TMEM17: variants seen among roughly 807,000 people sequenced by gnomAD.
TMEM17 encodes the protein transmembrane protein 17.
In TMEM17, 15 loss-of-function variants were observed where a neutral mutation model predicts 19.1. That is an observed-to-expected ratio of 0.78 (90% CI 0.52 to 1.21). The LOEUF (loss-of-function observed/expected upper bound fraction) is 1.21, where lower values mean the gene tolerates loss of function less well. Ranked by LOEUF, TMEM17 falls within the 50% of genes most tolerant of loss-of-function variation. The pLI is 0.00. For missense variants in TMEM17, 245 were observed against 242.3 expected, an observed-to-expected ratio of 1.01 and a Z score of -0.07; for synonymous variants, 103 against 86.9, an observed-to-expected ratio of 1.19 and a Z score of -1.03.
the TMEM17 span, among the ~76,000 whole-genome samples, chr2:62,490,621 A>G: frequency 2.0e-5 from 3 of 152,316 alleles, no homozygotes; most frequent in African/African-American, 7.2e-5. Flanking sequence ...CATATTTCGA[A>G]GCTTAAAATT....
chr2:62,484,239 A>G, the TMEM17 span, among the ~76,000 whole-genome samples: 373 of 152,326 alleles, frequency 2.4e-3, 1 homozygote, highest in Non-Finnish European at 2.1e-3. Context: ...GTGGGAACCT[A>G]TATCTGCGCT....
the TMEM17 span, among the ~76,000 whole-genome samples, chr2:62,480,334 T>C: frequency 6.6e-6 from 1 of 152,194 alleles, no homozygotes; most frequent in Non-Finnish European, 1.5e-5. Flanking sequence ...CCATTGTGAA[T>C]AGTTTGGAAA....
At chr2:62,464,273 G>C in the TMEM17 span, among the ~76,000 whole-genome samples, 25 of 152,236 alleles carry the variant, frequency 1.6e-4, no homozygotes, top group Admixed American at 1.4e-3. Flanking sequence ...ACTGTAACAC[G>C]CCCTGTGGGG....
At chr2:62,464,814 A>G in the TMEM17 span, among the ~76,000 whole-genome samples, 2,866 of 152,054 alleles carry the variant, frequency 0.019, 90 homozygotes, top group African/African-American at 0.063. Flanking sequence ...AATCATAGGG[A>G]GTTGAAGCTA....
In TMEM17 at chr2:62,501,319, T is replaced by G; in HGVS notation, c.487A>C (p.Arg163=). 1 of 1,614,190 alleles carries G rather than the reference T, an allele frequency of 6.2e-7. No homozygotes were observed. The highest frequency in any genetic ancestry group is 2.2e-5 in the East Asian group (1 of 44,884). The change falls in exon 4 of 4, where the codon AGG becomes CGG. Residue 163 remains arginine (R), a synonymous_variant. Transcript: ENST00000335390. ...FQVVAAFLTL[R]KMVNQLAVRF... is the part of the protein sequence containing the mutation. ...ACTGCCAACTGATTAACCATTTTCCTTAAGGTAAGAAATGCTGCAACAACT... is the reference window on the plus strand; with the variant it reads ...ACTGCCAACTGATTAACCATTTTCCGTAAGGTAAGAAATGCTGCAACAACT...
chr2:62,506,193 C>A lies in TMEM17; in HGVS notation c.-64G>T. ...CTAGTCTGCGGGCGCTCCGAGGCTCCGTGGTTCCCACGGCAACCGGGCGGC... is the reference window on the plus strand; with the variant it reads ...CTAGTCTGCGGGCGCTCCGAGGCTCAGTGGTTCCCACGGCAACCGGGCGGC... On this transcript the variant is annotated 5_prime_UTR_variant, in exon 1 of 4. Transcript: ENST00000335390. 1 of 1,447,002 alleles carries A rather than the reference C, an allele frequency of 6.9e-7. No individual in the cohort carries two copies. The highest frequency in any genetic ancestry group is 9.2e-7 in the Non-Finnish European group (1 of 1,084,050). The allele number at this position is 1,447,002 out of a possible 1,614,324, so 89.6% of individuals were successfully genotyped here.
the TMEM17 span, among the ~76,000 whole-genome samples, chr2:62,479,742 C>T: frequency 6.6e-6 from 1 of 151,884 alleles, no homozygotes; most frequent in Non-Finnish European, 1.5e-5. Context: ...AAATAATTAG[C>T]CATGTGTGGT....
the TMEM17 span, among the ~76,000 whole-genome samples, chr2:62,481,462 T>C: frequency 6.6e-6 from 1 of 152,168 alleles, no homozygotes; most frequent in African/African-American, 2.4e-5. Context: ...GGACTTCCAG[T>C]ACTATGTTGA....
At chr2:62,472,336 T>G in the TMEM17 span, among the ~76,000 whole-genome samples, 2 of 152,206 alleles carry the variant, frequency 1.3e-5, no homozygotes, top group African/African-American at 2.4e-5. Context: ...GGGCTTTCCC[T>G]GCAGCCTGGA....
chr2:62,488,190 C>T, the TMEM17 span, among the ~76,000 whole-genome samples: 3 of 152,232 alleles, frequency 2.0e-5, no homozygotes, highest in Admixed American at 6.5e-5. Flanking sequence ...CTTTGGAATT[C>T]GTCTCGAGCT....
the TMEM17 span, among the ~76,000 whole-genome samples, chr2:62,458,749 G>A: frequency 4.6e-5 from 7 of 152,212 alleles, no homozygotes; most frequent in African/African-American, 7.2e-5. Flanking sequence ...CAGCGTGCCC[G>A]TGTCTGTAGC....
chr2:62,478,122 G>A, the TMEM17 span, among the ~76,000 whole-genome samples: 199 of 152,302 alleles, frequency 1.3e-3, 2 homozygotes, highest in Admixed American at 0.012. Context: ...TGACTCTAGT[G>A]GTAGCATTTC....
At chr2:62,497,299 T>C (rs922215318), downstream of TMEM17, among the ~76,000 whole-genome samples, 2 of 152,234 alleles carry the variant, frequency 1.3e-5, no homozygotes, top group African/African-American at 4.8e-5. Context: ...CTGATTGTGA[T>C]ACTCCACTGT....
At chr2:62,481,739 G>C in the TMEM17 span, among the ~76,000 whole-genome samples, 1 of 151,290 alleles carries the variant, frequency 6.6e-6, no homozygotes, top group Admixed American at 6.6e-5. Flanking sequence ...GTGTGTGTAA[G>C]GGGGGAGCAT....
At chr2:62,492,597 A>G in the TMEM17 span, among the ~76,000 whole-genome samples, 1 of 152,266 alleles carries the variant, frequency 6.6e-6, no homozygotes, top group East Asian at 1.9e-4. Flanking sequence ...TATTAAGAAC[A>G]GGAGGCAGGA....
chr2:62,466,099 C>G, the TMEM17 span, among the ~76,000 whole-genome samples: 1 of 152,104 alleles, frequency 6.6e-6, no homozygotes, highest in African/African-American at 2.4e-5. Context: ...TGCAGAGCTC[C>G]CTTGTCATTG....
chr2:62,469,343 G>A, the TMEM17 span, among the ~76,000 whole-genome samples: 1 of 152,194 alleles, frequency 6.6e-6, no homozygotes, highest in South Asian at 2.1e-4. Flanking sequence ...TCACATGTGT[G>A]ATCTTGGGGA....
the TMEM17 span, among the ~76,000 whole-genome samples, chr2:62,464,976 C>A: frequency 6.6e-6 from 1 of 152,082 alleles, no homozygotes; most frequent in Non-Finnish European, 1.5e-5. Flanking sequence ...TCCCTATGAA[C>A]AATTTGGGGA....
At chr2:62,487,891 C>T in the TMEM17 span, among the ~76,000 whole-genome samples, 1 of 152,310 alleles carries the variant, frequency 6.6e-6, no homozygotes, top group East Asian at 1.9e-4. Context: ...ACGGAGGTTT[C>T]ACCATGTTGG....
Sources: allele counts gnomAD v4.1 joint callset (sites outside exome capture counted in the v4.1 genomes callset), GRCh38; gene constraint gnomAD v4.1.1; transcripts MANE v1.5; gene names NCBI Gene and HGNC (gene_info 2026-07-23, HGNC 2026-07-21).